Variants in CADM2 observed in about 807,000 individuals in gnomAD.
The protein encoded by CADM2 is immunoglobulin superfamily member 4D.
Under a neutral mutation model 49.8 loss-of-function variants are expected in CADM2, and 12 were observed. The ratio of observed to expected loss-of-function variants is 0.24; its 90% CI spans 0.15 to 0.39. CADM2 has a LOEUF of 0.39. CADM2 is among the 10% of genes least tolerant of loss of function. The pLI, the probability that CADM2 is intolerant of heterozygous loss-of-function variation, is 1.00. For missense variants in CADM2, 378 were observed against 492.3 expected (o/e 0.77, Z 2.20); for synonymous variants, 214 against 175.4 (o/e 1.22, Z -1.74).
At position 84,959,514 on chromosome 3, in the gene CADM2, A is replaced by T. The variant is rs2030231726; in HGVS notation, c.-94A>T. ...GACGGTGGGTCCGGCGGGCGCCGGG[A>T]GGAGGACACCAGCGGAGCCCTGCAC... On this transcript the variant is annotated 5_prime_UTR_variant, in exon 1 of 10. Coordinates refer to ENST00000383699, the MANE Select transcript of CADM2 (RefSeq NM_001167675.2). 1.6e-6 allele frequency: 2 copies of T among 1,236,322 alleles called. No homozygotes were observed. Among genetic ancestry groups the T allele is most frequent in the Non-Finnish European group, 2.3e-6 (2 of 883,444 alleles). The allele number at this position is 1,236,322 out of a possible 1,614,324, so 76.6% of individuals were successfully genotyped here.
At chr3:85,629,537 G>A (rs1042774018) in intron 1 of CADM2, among the ~76,000 whole-genome samples, 1 of 151,856 alleles carries the variant, frequency 6.6e-6, no homozygotes, top group African/African-American at 2.4e-5. Context: ...AAGGGAGAAG[G>A]GAGATAAAAG....
At chr3:85,554,616 T>C (rs1269852697) in intron 1 of CADM2, among the ~76,000 whole-genome samples, 1 of 152,216 alleles carries the variant, frequency 6.6e-6, no homozygotes, top group African/African-American at 2.4e-5. Context: ...TAAAAGGGCA[T>C]ACGTAAGTTT....
At chr3:85,442,613 T>C (rs981116573) in intron 1 of CADM2, among the ~76,000 whole-genome samples, 1 of 97,954 alleles carries the variant, frequency 1.0e-5, no homozygotes, top group Non-Finnish European at 2.6e-5. Flanking sequence ...TATATATATA[T>C]ATATATATAT....
At chr3:85,400,716 G>GTT (rs2035064096) in intron 1 of CADM2, among the ~76,000 whole-genome samples, 1 of 151,930 alleles carries the variant, frequency 6.6e-6, no homozygotes, top group Non-Finnish European at 1.5e-5. Context: ...GTTTCTTCTA[G>GTT]TTTCTAGTTT....
chr3:85,083,924 A>T (rs1266141404), intron 1 of CADM2, among the ~76,000 whole-genome samples: 1 of 152,192 alleles, frequency 6.6e-6, no homozygotes, highest in Admixed American at 6.6e-5. Context: ...ATTAAAAATA[A>T]GCCTATAATG....
chr3:85,206,465 G>A (rs968091095), intron 1 of CADM2, among the ~76,000 whole-genome samples: 3 of 151,616 alleles, frequency 2.0e-5, no homozygotes, highest in Admixed American at 6.6e-5. Flanking sequence ...CCGTCACCAC[G>A]CCCGGCTAAT....
chr3:86,004,113 C>T (rs1293616258), intron 8 of CADM2, among the ~76,000 whole-genome samples: 3 of 151,726 alleles, frequency 2.0e-5, no homozygotes, highest in African/African-American at 7.3e-5. Flanking sequence ...GTGGTTGCTG[C>T]ATGAGGGATT....
intron 8 of CADM2, among the ~76,000 whole-genome samples, chr3:85,983,483 A>C (rs1727710826): frequency 6.6e-6 from 1 of 151,712 alleles, no homozygotes; most frequent in Non-Finnish European, 1.5e-5. Flanking sequence ...GAAAAACATG[A>C]AGCACAGGTT....
chr3:85,884,180 A>G (rs190776038), intron 4 of CADM2, among the ~76,000 whole-genome samples: 142 of 152,300 alleles, frequency 9.3e-4, no homozygotes, highest in Middle Eastern at 3.4e-3. Context: ...ATCAGCTGAA[A>G]TTGCTGCATT....
chr3:86,072,371 A>G lies in CADM2; in HGVS notation c.*5588A>G, dbSNP rs568046622. 1.0e-3 allele frequency: 157 copies of G among 151,534 alleles called. No homozygotes were observed. The highest frequency in any genetic ancestry group is 3.8e-3 in the African/African-American group (156 of 41,362). 9.4% of individuals were successfully genotyped at this position (151,534 alleles called of 1,614,324 possible). A position where few individuals can be genotyped will look rare whatever the true frequency, so the allele number is the denominator to read the frequency against. Reference sequence around the variant, plus strand: ...CAAGAAATGTATGATTATTTTGGAGAGAATGGGCCCAAATGTGAAAAAGAT... The same window carrying G: ...CAAGAAATGTATGATTATTTTGGAGGGAATGGGCCCAAATGTGAAAAAGAT... On this transcript the variant is annotated 3_prime_UTR_variant, in exon 10 of 10. Coordinates refer to ENST00000383699, the MANE Select transcript of CADM2 (RefSeq NM_001167675.2).
intron 8 of CADM2, among the ~76,000 whole-genome samples, chr3:85,970,797 T>C (rs959051097): frequency 6.6e-6 from 1 of 151,588 alleles, no homozygotes; most frequent in Non-Finnish European, 1.5e-5. Context: ...TTCTGGAAGC[T>C]ACTTTAATCT....
chr3:86,031,666 C>T (rs776618518), intron 8 of CADM2, among the ~76,000 whole-genome samples: 17 of 151,748 alleles, frequency 1.1e-4, no homozygotes, highest in Middle Eastern at 3.4e-3. Flanking sequence ...AAAAGAATAG[C>T]TCATAGATAT....
intron 3 of CADM2, among the ~76,000 whole-genome samples, chr3:85,861,678 G>A (rs2075539809): frequency 6.6e-6 from 1 of 152,092 alleles, no homozygotes; most frequent in Non-Finnish European, 1.5e-5. Context: ...TGTTGATGGT[G>A]ATAGTAATAA....
intron 1 of CADM2, among the ~76,000 whole-genome samples, chr3:85,333,003 A>G (rs2044976143): frequency 1.3e-5 from 2 of 151,836 alleles, no homozygotes; most frequent in South Asian, 4.1e-4. Context: ...CGTGTACAAT[A>G]AGTTATTTGT....
intron 1 of CADM2, among the ~76,000 whole-genome samples, chr3:84,987,536 C>T (rs1332925640): frequency 6.6e-6 from 1 of 152,072 alleles, no homozygotes; most frequent in African/African-American, 2.4e-5. Context: ...GTCTTGCCCA[C>T]CAGATCATAG....
intron 1 of CADM2, among the ~76,000 whole-genome samples, chr3:85,716,782 G>C (rs890623518): frequency 6.6e-6 from 1 of 152,040 alleles, no homozygotes; most frequent in Non-Finnish European, 1.5e-5. Context: ...GTTTTTGTCA[G>C]GTTTTCAAAG....
At chr3:85,535,442 C>T (rs1393280281) in intron 1 of CADM2, among the ~76,000 whole-genome samples, 1 of 152,090 alleles carries the variant, frequency 6.6e-6, no homozygotes, top group Admixed American at 6.6e-5. Flanking sequence ...ACGTTGATTT[C>T]ATTTTCTATG....
chr3:85,374,387 A>G (rs894443636), intron 1 of CADM2, among the ~76,000 whole-genome samples: 3 of 152,036 alleles, frequency 2.0e-5, no homozygotes, highest in Non-Finnish European at 4.4e-5. Flanking sequence ...TCTCATCTCT[A>G]TCTGAGACCA....
At chr3:85,269,618 T>A (rs1007469509) in intron 1 of CADM2, among the ~76,000 whole-genome samples, 1 of 151,288 alleles carries the variant, frequency 6.6e-6, no homozygotes, top group African/African-American at 2.4e-5. Flanking sequence ...CATTTCCCTA[T>A]CTCTTGTGTA....
Sources: allele counts gnomAD v4.1 joint callset (sites outside exome capture counted in the v4.1 genomes callset), GRCh38; gene constraint gnomAD v4.1.1; transcripts MANE v1.5; gene names NCBI Gene and HGNC (gene_info 2026-07-23, HGNC 2026-07-21).